MECOM: variants seen among roughly 807,000 people sequenced by gnomAD.
MECOM encodes the protein MDS1 and EVI1 complex locus, also known as histone-lysine N-methyltransferase MECOM.
A neutral mutation model predicts 116.3 loss-of-function variants in MECOM; 13 were observed. That is an observed-to-expected ratio of 0.11 (90% CI 0.07 to 0.18). The LOEUF (loss-of-function observed/expected upper bound fraction) is 0.18, where lower values mean the gene tolerates loss of function less well. MECOM is among the 10% of genes least tolerant of loss of function. MECOM has a pLI of 1.00. For missense variants in MECOM, 1,299 were observed against 1,509.0 expected, an observed-to-expected ratio of 0.86 and a Z score of 2.31; for synonymous variants, 528 against 535.2, an observed-to-expected ratio of 0.99 and a Z score of 0.19.
chr3:169,299,812 T>A (rs565983672), intron 2 of MECOM, among the ~76,000 whole-genome samples: 8 of 152,366 alleles, frequency 5.3e-5, no homozygotes, highest in Admixed American at 3.3e-4. Context: ...GGTCTCCTGC[T>A]CTTTGCCCCA....
intron 2 of MECOM, among the ~76,000 whole-genome samples, chr3:169,315,968 T>C (rs1264754884): frequency 6.6e-6 from 1 of 152,240 alleles, no homozygotes. Context: ...AGTTATTTGT[T>C]CTTTGGTCAA....
At chr3:169,147,071 C>G (rs1488700229) in intron 2 of MECOM, 2 of 989,648 alleles carry the variant, frequency 2.0e-6, no homozygotes, top group African/African-American at 3.5e-5. Flanking sequence ...TTCCCCCTTC[C>G]TAAATGAGCT....
intron 12 of MECOM, among the ~76,000 whole-genome samples, chr3:169,097,817 T>TAAAAAAAAAAAGAA (rs1722149657): frequency 1.1e-5 from 1 of 87,194 alleles, no homozygotes; most frequent in Non-Finnish European, 2.2e-5. Flanking sequence ...ACTGTCTATA[T>TAAAAAAAAAAAGAA]AAAAAAAAAA....
Position 169,304,877 on chromosome 3 carries a change from C to T in MECOM, c.375+76310G>A, listed in dbSNP as rs528067968. Among the ~76,000 whole-genome samples, 224 of 152,232 alleles carry T rather than the reference C, an allele frequency of 1.5e-3. 1 individual carries two copies. The highest frequency in any genetic ancestry group is 0.014 in the Middle Eastern group (4 of 294). ...ATATCTCTCTTTCCACTCAATTTCT[C>T]TCCTGAAGCTTGTGCTGAGTCCCTC... On this transcript the variant is annotated intron_variant, in intron 2 of 16. Coordinates refer to ENST00000651503, the MANE Select transcript of MECOM (RefSeq NM_004991.4).
chr3:169,166,707 A>G (rs568315487), intron 2 of MECOM, among the ~76,000 whole-genome samples: 36 of 152,342 alleles, frequency 2.4e-4, no homozygotes, highest in African/African-American at 7.9e-4. Flanking sequence ...GTAAACTAAG[A>G]GTTCAAACAT....
chr3:169,595,342 T>G (rs1767011195), intron 1 of MECOM, among the ~76,000 whole-genome samples: 1 of 152,174 alleles, frequency 6.6e-6, no homozygotes, highest in Non-Finnish European at 1.5e-5. Flanking sequence ...ATATATTACC[T>G]CTATGCTTCA....
intron 1 of MECOM, among the ~76,000 whole-genome samples, chr3:169,612,084 A>G (rs1318581578): frequency 1.3e-5 from 2 of 152,208 alleles, no homozygotes; most frequent in Admixed American, 6.5e-5. Context: ...ATTTCTCCAG[A>G]TATTACTAAA....
chr3:169,595,385 T>C (rs1767016419), intron 1 of MECOM, among the ~76,000 whole-genome samples: 1 of 152,186 alleles, frequency 6.6e-6, no homozygotes, highest in African/African-American at 2.4e-5. Flanking sequence ...GTTTTCCTAT[T>C]ATGTGATCGA....
At chr3:169,169,579 A>T (rs1327585575) in intron 2 of MECOM, among the ~76,000 whole-genome samples, 4 of 152,178 alleles carry the variant, frequency 2.6e-5, no homozygotes, top group Admixed American at 6.5e-5. Flanking sequence ...TCACTTATTC[A>T]GTACCCATGG....
At chr3:169,269,049 T>G (rs1758626216) in intron 2 of MECOM, 1 of 151,918 alleles carries the variant, frequency 6.6e-6, no homozygotes, top group African/African-American at 2.4e-5. Flanking sequence ...AATAAGCACC[T>G]TATGAGAACT....
intron 1 of MECOM, among the ~76,000 whole-genome samples, chr3:169,594,174 A>AAAAAAAAACC (rs1255613781): frequency 2.4e-5 from 3 of 125,932 alleles, no homozygotes; most frequent in Admixed American, 8.1e-5. Context: ...AAAAAAAAAA[A>AAAAAAAAACC]AACACCTTTT....
chr3:169,464,587 T>A (rs1275180314), intron 1 of MECOM, among the ~76,000 whole-genome samples: 1 of 152,114 alleles, frequency 6.6e-6, no homozygotes, highest in East Asian at 1.9e-4. Context: ...TAGGAGGGCA[T>A]TACATGGGGA....
chr3:169,142,277 A>G (rs1738347223), intron 3 of MECOM, among the ~76,000 whole-genome samples: 1 of 151,970 alleles, frequency 6.6e-6, no homozygotes, highest in Non-Finnish European at 1.5e-5. Context: ...CTAAGGAAAT[A>G]GCTTCCATTG....
chr3:169,247,980 C>T (rs1438961239), intron 2 of MECOM, among the ~76,000 whole-genome samples: 1 of 152,174 alleles, frequency 6.6e-6, no homozygotes, highest in Non-Finnish European at 1.5e-5. Context: ...ATAGCTGCTC[C>T]ATTTCTTCAT....
rs1378666644 is a variant in MECOM, at chr3:169,391,043, A to G, written c.38-9519T>C. ...GCAGACCCTTCCCTATTACCACAAAACAGAAGAGCTTTCTTACAGCCAGGA... is the reference window on the plus strand; with the variant it reads ...GCAGACCCTTCCCTATTACCACAAAGCAGAAGAGCTTTCTTACAGCCAGGA... On this transcript the variant is annotated intron_variant, in intron 1 of 16. Coordinates refer to ENST00000651503, the MANE Select transcript of MECOM (RefSeq NM_004991.4). 2.0e-5 allele frequency among the ~76,000 whole-genome samples: 3 copies of G among 152,160 alleles called. No individual in the cohort carries two copies. The East Asian group carries it at 5.8e-4, about 29-fold the overall frequency.
chr3:169,130,353 C>A lies in MECOM; in HGVS notation c.613+1076G>T, dbSNP rs146907007. Reference sequence around the variant, plus strand: ...AGCCCTTTCCCATTGGGCCAGACACCCTCTTCAGGCTCAAACTCTACCAGG... The same window carrying A: ...AGCCCTTTCCCATTGGGCCAGACACACTCTTCAGGCTCAAACTCTACCAGG... On this transcript the variant is annotated intron_variant, in intron 4 of 16. Transcript: ENST00000651503. Among the ~76,000 whole-genome samples the A allele has an allele frequency of 2.8e-3, 429 of 152,214 alleles. 3 individuals carry two copies. Among genetic ancestry groups the A allele is most frequent in the African/African-American group, 9.6e-3 (397 of 41,532 alleles).
At chr3:169,350,978 ATAGTAC>A (rs913528759) in intron 2 of MECOM, among the ~76,000 whole-genome samples, 8 of 151,930 alleles carry the variant, frequency 5.3e-5, no homozygotes, top group African/African-American at 1.9e-4. Context: ...TCATAAAATT[ATAGTAC>A]TAGTAACCCA....
chr3:169,154,315 A>G (rs1741622014), intron 2 of MECOM, among the ~76,000 whole-genome samples: 1 of 152,196 alleles, frequency 6.6e-6, no homozygotes, highest in Non-Finnish European at 1.5e-5. Context: ...CTCCTGGTAG[A>G]CAGACTTTAA....
At chr3:169,642,138 T>C (rs1773567286) in intron 1 of MECOM, among the ~76,000 whole-genome samples, 1 of 152,182 alleles carries the variant, frequency 6.6e-6, no homozygotes. Context: ...TAATCATATA[T>C]TTCATTTCAG....
Sources: allele counts gnomAD v4.1 joint callset (sites outside exome capture counted in the v4.1 genomes callset), GRCh38; gene constraint gnomAD v4.1.1; transcripts MANE v1.5; gene names NCBI Gene and HGNC (gene_info 2026-07-23, HGNC 2026-07-21).